Variants in PLEKHG1 observed in about 807,000 individuals in gnomAD.
PLEKHG1 encodes pleckstrin homology domain-containing family G member 1.
PLEKHG1 carries 44 observed loss-of-function variants against 100.8 expected under a neutral mutation model. The observed-to-expected ratio is 0.44, with a 90% confidence interval of 0.34 to 0.56. PLEKHG1 has a LOEUF of 0.56. Ranked by LOEUF, PLEKHG1 falls within the 20% of genes least tolerant of loss-of-function variation. PLEKHG1 has a pLI of 0.01. For missense variants in PLEKHG1, 1,545 were observed against 1,720.9 expected, an observed-to-expected ratio of 0.90 and a Z score of 1.81; for synonymous variants, 640 against 662.5, an observed-to-expected ratio of 0.97 and a Z score of 0.52.
chr6:150,721,758 A>G (rs1436568447), intron 1 of PLEKHG1, among the ~76,000 whole-genome samples: 2 of 152,214 alleles, frequency 1.3e-5, no homozygotes, highest in Non-Finnish European at 2.9e-5. Context: ...TTTGTGAGGA[A>G]CAATGATTGG....
At chr6:150,658,632 A>C (rs917623727) in intron 3 of PLEKHG1, among the ~76,000 whole-genome samples, 1 of 152,098 alleles carries the variant, frequency 6.6e-6, no homozygotes, top group South Asian at 2.1e-4. Flanking sequence ...CACCTCTGTG[A>C]TCACATATTC....
At chr6:150,838,574 G>C (rs924200184) in intron 15 of PLEKHG1, among the ~76,000 whole-genome samples, 1 of 152,182 alleles carries the variant, frequency 6.6e-6, no homozygotes, top group Non-Finnish European at 1.5e-5. Context: ...CTGGATTGGG[G>C]AGGGTGGCAG....
chr6:150,619,044 C>T (rs1460170873), intron 1 of PLEKHG1, among the ~76,000 whole-genome samples: 6 of 152,174 alleles, frequency 3.9e-5, no homozygotes, highest in South Asian at 2.1e-4. Context: ...GATTGCACCA[C>T]GCACTCCAGC....
chr6:150,614,325 T>G (rs1776971768), intron 1 of PLEKHG1, among the ~76,000 whole-genome samples: 1 of 152,190 alleles, frequency 6.6e-6, no homozygotes, highest in Non-Finnish European at 1.5e-5. Context: ...GTCACGTAGT[T>G]CACACTCACA....
chr6:150,635,130 T>C (rs897928600), intron 1 of PLEKHG1, among the ~76,000 whole-genome samples: 10 of 152,234 alleles, frequency 6.6e-5, no homozygotes, highest in Non-Finnish European at 2.9e-5. Context: ...CAGAATGCTT[T>C]GACTTTCACA....
intron 2 of PLEKHG1, among the ~76,000 whole-genome samples, chr6:150,648,540 A>C (rs1778589600): frequency 6.6e-6 from 1 of 152,176 alleles, no homozygotes; most frequent in African/African-American, 2.4e-5. Context: ...TAATATTTAT[A>C]GAATAAACCT....
At chr6:150,827,191 A>G (rs1776657492) in intron 14 of PLEKHG1, among the ~76,000 whole-genome samples, 1 of 151,612 alleles carries the variant, frequency 6.6e-6, no homozygotes, top group African/African-American at 2.4e-5. Flanking sequence ...CACCGTGCCC[A>G]GATGATTACT....
chr6:150,782,586 G>T (rs190337312), intron 3 of PLEKHG1, among the ~76,000 whole-genome samples: 1 of 152,218 alleles, frequency 6.6e-6, no homozygotes, highest in East Asian at 1.9e-4. Context: ...ACATATCTGT[G>T]TGCGACTGGA....
intron 1 of PLEKHG1, chr6:150,638,063 CTTG>C (rs1778089086): frequency 6.6e-6 from 1 of 152,108 alleles, no homozygotes; most frequent in Admixed American, 6.5e-5. Context: ...CTTTCTCATT[CTTG>C]TTATTCTTTC....
chr6:150,662,014 G>T (rs1779213338), intron 3 of PLEKHG1, among the ~76,000 whole-genome samples: 1 of 152,122 alleles, frequency 6.6e-6, no homozygotes, highest in Admixed American at 6.6e-5. Flanking sequence ...CAGAATGAGG[G>T]CCTGAGGGAG....
At chr6:150,759,133 G>T (rs927769549) in intron 2 of PLEKHG1, among the ~76,000 whole-genome samples, 1 of 152,198 alleles carries the variant, frequency 6.6e-6, no homozygotes, top group Non-Finnish European at 1.5e-5. Flanking sequence ...TGTCTTAAAG[G>T]AGTGTAAAGG....
intron 3 of PLEKHG1, among the ~76,000 whole-genome samples, chr6:150,661,149 C>G (rs1244653583): frequency 2.6e-5 from 4 of 152,186 alleles, no homozygotes; most frequent in Non-Finnish European, 5.9e-5. Context: ...CCCTTGGTCT[C>G]ACTCGCCTTG....
intron 3 of PLEKHG1, among the ~76,000 whole-genome samples, chr6:150,695,760 A>T (rs910090580): frequency 2.6e-5 from 4 of 152,138 alleles, no homozygotes; most frequent in Admixed American, 2.6e-4. Context: ...AATGGACATT[A>T]TTATTGTTTC....
intron 3 of PLEKHG1, among the ~76,000 whole-genome samples, chr6:150,700,288 A>G (rs1291164115): frequency 6.6e-6 from 1 of 152,222 alleles, no homozygotes; most frequent in African/African-American, 2.4e-5. Context: ...GAGCAGCCAC[A>G]GACTGAGGAA....
At chr6:150,763,392 G>A (rs1784285019) in intron 2 of PLEKHG1, among the ~76,000 whole-genome samples, 1 of 152,126 alleles carries the variant, frequency 6.6e-6, no homozygotes, top group African/African-American at 2.4e-5. Flanking sequence ...AAAGGACAAT[G>A]GCTGGAAAAT....
In PLEKHG1 at chr6:150,726,532, A is replaced by G. The variant is rs191569575; in HGVS notation, c.-99+5332A>G. Among the ~76,000 whole-genome samples the G allele has an allele frequency of 9.2e-5, 14 of 152,290 alleles. No homozygotes were observed. The East Asian group carries it at 2.7e-3, about 29-fold the overall frequency. On this transcript the variant is annotated intron_variant, in intron 1 of 15. Coordinates refer to ENST00000358517, the Ensembl canonical transcript of PLEKHG1. ...TGCAAAGATTGTGCAAAGTTCCCAT[A>G]TGTCTTTCATCCAGCTTCCCCTAAC...
At chr6:150,756,528 A>C (rs1583064627) in intron 2 of PLEKHG1, among the ~76,000 whole-genome samples, 1 of 152,170 alleles carries the variant, frequency 6.6e-6, no homozygotes. Flanking sequence ...AACCGCCCAT[A>C]AAGAGGTCGG....
At chr6:150,650,197 CT>C (rs1778671623) in intron 2 of PLEKHG1, among the ~76,000 whole-genome samples, 2 of 152,096 alleles carry the variant, frequency 1.3e-5, no homozygotes, top group South Asian at 4.1e-4. Context: ...GTGAGAAGAA[CT>C]CAGAGAAGAG....
chr6:150,628,927 C>T (rs771470119), intron 1 of PLEKHG1, among the ~76,000 whole-genome samples: 12 of 152,106 alleles, frequency 7.9e-5, no homozygotes, highest in Non-Finnish European at 1.3e-4. Flanking sequence ...AGTTCATCCA[C>T]GAGCAAGTGA....
Sources: allele counts gnomAD v4.1 joint callset (sites outside exome capture counted in the v4.1 genomes callset), GRCh38; gene constraint gnomAD v4.1.1; transcripts MANE v1.5; gene names NCBI Gene and HGNC (gene_info 2026-07-23, HGNC 2026-07-21).